Variants in GRIA2 observed in about 807,000 individuals in gnomAD.
The protein encoded by GRIA2 is glutamate ionotropic receptor AMPA type subunit 2.
Under a neutral mutation model 97.3 loss-of-function variants are expected in GRIA2, and 14 were observed. The observed-to-expected ratio is 0.14, with a 90% confidence interval of 0.10 to 0.23. The LOEUF (loss-of-function observed/expected upper bound fraction) is 0.23, where lower values mean the gene tolerates loss of function less well. Ranked by LOEUF, GRIA2 falls within the 10% of genes least tolerant of loss-of-function variation. GRIA2 has a pLI of 1.00. For missense variants in GRIA2, 558 were observed against 1,069.8 expected (o/e 0.52, Z 6.67); for synonymous variants, 412 against 387.8 (o/e 1.06, Z -0.73).
chr4:157,233,480 G>A (rs972442447), intron 2 of GRIA2, among the ~76,000 whole-genome samples: 1 of 152,046 alleles, frequency 6.6e-6, no homozygotes, highest in Non-Finnish European at 1.5e-5. Context: ...ATGAAAATCA[G>A]CCAAGCAACA....
chr4:157,280,207 T>C (rs1732532821), intron 2 of GRIA2, among the ~76,000 whole-genome samples: 1 of 152,130 alleles, frequency 6.6e-6, no homozygotes, highest in African/African-American at 2.4e-5. Flanking sequence ...ACAACCATAC[T>C]TATAAGTAGC....
At chr4:157,290,447 A>T (rs1733042437) in intron 2 of GRIA2, among the ~76,000 whole-genome samples, 1 of 151,162 alleles carries the variant, frequency 6.6e-6, no homozygotes, top group Admixed American at 6.6e-5. Flanking sequence ...GTTGCCTTGG[A>T]CATTCTACAA....
intron 2 of GRIA2, among the ~76,000 whole-genome samples, chr4:157,302,693 T>G (rs1160626817): frequency 1.3e-5 from 2 of 152,080 alleles, no homozygotes; most frequent in African/African-American, 2.4e-5. Flanking sequence ...CTAGGATGTT[T>G]GGAATGGGGA....
chr4:157,320,207 A>G (rs192096575), intron 5 of GRIA2, among the ~76,000 whole-genome samples: 1 of 152,240 alleles, frequency 6.6e-6, no homozygotes, highest in East Asian at 1.9e-4. Flanking sequence ...AGAAAATGCA[A>G]TTCTAGTACA....
intron 2 of GRIA2, among the ~76,000 whole-genome samples, chr4:157,248,780 C>CTA (rs36210142): frequency 1.9e-3 from 236 of 122,304 alleles, no homozygotes; most frequent in African/African-American, 6.9e-3. Flanking sequence ...CTTTCTTTCA[C>CTA]TATATATATA....
At chr4:157,349,724 C>T (rs913248761) in intron 12 of GRIA2, among the ~76,000 whole-genome samples, 8 of 152,082 alleles carry the variant, frequency 5.3e-5, no homozygotes, top group African/African-American at 1.9e-4. Context: ...TTTGCTAACA[C>T]AACCAATTTT....
intron 2 of GRIA2, among the ~76,000 whole-genome samples, chr4:157,275,242 G>C (rs1292419624): frequency 6.6e-6 from 1 of 152,024 alleles, no homozygotes; most frequent in Admixed American, 6.6e-5. Context: ...AAATTTGTTT[G>C]AGTTCATTGT....
At chr4:157,249,298 T>G (rs951557280) in intron 2 of GRIA2, among the ~76,000 whole-genome samples, 2 of 152,170 alleles carry the variant, frequency 1.3e-5, no homozygotes, top group African/African-American at 4.8e-5. Context: ...TTCCTCTGAC[T>G]GTTCAAGAGT....
At chr4:157,338,073 G>T (rs1735385555) in intron 11 of GRIA2, among the ~76,000 whole-genome samples, 2 of 122,082 alleles carry the variant, frequency 1.6e-5, no homozygotes, top group African/African-American at 6.3e-5. Flanking sequence ...TTTTATCTCT[G>T]ACAAAATATA....
chr4:157,351,930 G>A (rs1337416941), intron 12 of GRIA2, among the ~76,000 whole-genome samples: 5 of 152,138 alleles, frequency 3.3e-5, no homozygotes, highest in Admixed American at 6.5e-5. Flanking sequence ...TATAAATTAC[G>A]CAGTCTTGTC....
intron 3 of GRIA2, among the ~76,000 whole-genome samples, chr4:157,308,238 C>A (rs902464972): frequency 4.1e-4 from 62 of 152,158 alleles, no homozygotes; most frequent in African/African-American, 1.4e-3. Context: ...CTATCACTGA[C>A]TGACTAGTAG....
chr4:157,274,047 C>G (rs939565810), intron 2 of GRIA2, among the ~76,000 whole-genome samples: 1 of 151,904 alleles, frequency 6.6e-6, no homozygotes, highest in African/African-American at 2.4e-5. Context: ...ACCATGTAAA[C>G]AAGAGGAGAG....
intron 2 of GRIA2, among the ~76,000 whole-genome samples, chr4:157,270,153 C>T (rs925634336): frequency 6.6e-6 from 1 of 152,040 alleles, no homozygotes; most frequent in African/African-American, 2.4e-5. Context: ...ATGTGATATT[C>T]AGTTTTTTGA....
chr4:157,301,038 A>C (rs1320678522), intron 2 of GRIA2, among the ~76,000 whole-genome samples: 1 of 152,214 alleles, frequency 6.6e-6, no homozygotes, highest in Non-Finnish European at 1.5e-5. Flanking sequence ...AGGTCTCATT[A>C]ATAAATCATA....
chr4:157,245,744 C>A (rs1275436193), intron 2 of GRIA2, among the ~76,000 whole-genome samples: 1 of 152,052 alleles, frequency 6.6e-6, no homozygotes, highest in Non-Finnish European at 1.5e-5. Flanking sequence ...AATAACTCTT[C>A]TTGTCAAGGA....
At chr4:157,266,291 G>A (rs926534944) in intron 2 of GRIA2, among the ~76,000 whole-genome samples, 6 of 152,220 alleles carry the variant, frequency 3.9e-5, no homozygotes, top group African/African-American at 1.2e-4. Context: ...CTATGATTGC[G>A]GATGAGAGTA....
intron 2 of GRIA2, among the ~76,000 whole-genome samples, chr4:157,244,418 C>T (rs1730640039): frequency 6.6e-6 from 1 of 152,012 alleles, no homozygotes; most frequent in African/African-American, 2.4e-5. Context: ...AGCTTCATCA[C>T]AGCAAATGTC....
At chr4:157,352,546 T>C (rs961509822) in intron 12 of GRIA2, among the ~76,000 whole-genome samples, 1 of 151,044 alleles carries the variant, frequency 6.6e-6, no homozygotes, top group African/African-American at 2.4e-5. Flanking sequence ...TGAAACCCCA[T>C]CTCTACTAAA....
At chr4:157,249,286 CT>C (rs1182308049) in intron 2 of GRIA2, among the ~76,000 whole-genome samples, 1 of 152,138 alleles carries the variant, frequency 6.6e-6, no homozygotes, top group East Asian at 1.9e-4. Flanking sequence ...TATCTTAGAA[CT>C]TTCCTCTGAC....
Sources: allele counts gnomAD v4.1 joint callset (sites outside exome capture counted in the v4.1 genomes callset), GRCh38; gene constraint gnomAD v4.1.1; transcripts MANE v1.5; gene names NCBI Gene and HGNC (gene_info 2026-07-23, HGNC 2026-07-21).